Variants in COPB1 observed in about 807,000 individuals in gnomAD.
COPB1 encodes coatomer subunit beta.
Under a neutral mutation model 108.7 loss-of-function variants are expected in COPB1, and 21 were observed. That is an observed-to-expected ratio of 0.19 (90% CI 0.14 to 0.28). The LOEUF (loss-of-function observed/expected upper bound fraction) is 0.28. Ranked by LOEUF, COPB1 falls within the 10% of genes least tolerant of loss-of-function variation. The pLI, the probability that COPB1 is intolerant of heterozygous loss-of-function variation, is 1.00. For synonymous variants in COPB1, 378 were observed against 386.8 expected, an observed-to-expected ratio of 0.98 and a Z score of 0.27; for missense variants, 919 against 1,141.3, an observed-to-expected ratio of 0.81 and a Z score of 2.81.
In COPB1 at chr11:14,468,853, G is replaced by C; in HGVS notation, c.1973C>G (p.Ser658Cys). Residue 658 changes from serine (S) to cysteine (C), a missense_variant, in exon 16 of 22, where the codon TCT becomes TGT. Physicochemically the swap from Ser to Cys is moderately radical, Grantham distance 112. Around this residue, in one of 5 missense-constraint regions of COPB1, gnomAD observed 705 missense variants for 817.8 expected, o/e 0.86. Transcript: ENST00000439561. ...EEEKLSQKKE[S>C]EKRNVTVQPD... Reference sequence around the variant, plus strand: ...CTGTACTGTCACATTCCTCTTTTCAGATTCTTTCTGTGTTGAGAATATAAC... The same window carrying C: ...CTGTACTGTCACATTCCTCTTTTCACATTCTTTCTGTGTTGAGAATATAAC... The C allele has an allele frequency of 1.2e-6, 2 of 1,613,094 alleles. No individual in the cohort carries two copies.
At position 14,474,498 on chromosome 11, in the gene COPB1, T is replaced by C. The variant is rs1189360114; in HGVS notation, c.1734A>G (p.Gln578=). 14 of 1,612,520 alleles carry C rather than the reference T, an allele frequency of 8.7e-6. No individual in the cohort carries two copies. Among genetic ancestry groups the C allele is most frequent in the Non-Finnish European group, 1.2e-5 (14 of 1,179,048 alleles). ...YVALVQEKKK[Q]NSFVAEAMLL... ...AATGTAAAATAAATGAACTTACATTTTGCTTTTTCTTCTCCTGAACCAAAG... is the reference window on the plus strand; with the variant it reads ...AATGTAAAATAAATGAACTTACATTCTGCTTTTTCTTCTCCTGAACCAAAG... Residue 578 remains glutamine, a synonymous_variant, in exon 14 of 22, where the codon CAA becomes CAG. Transcript: ENST00000439561.
At position 14,458,611 on chromosome 11, in the gene COPB1, T is replaced by C; in HGVS notation, c.2723A>G (p.Asn908Ser). 1 of 1,613,944 alleles carries C rather than the reference T, an allele frequency of 6.2e-7. No homozygotes were observed. The stretch of plus-strand genomic sequence containing the variant: ...GTGAATTGGCTTCTCAATGCTGACA[T>C]TTGCAAGTGCATCTTCACCAAATAT... ...RSIFGEDALA[N>S]VSIEKPIHQG... is the part of the protein sequence containing the mutation. The change falls in exon 21 of 22, where the codon AAT becomes AGT. Residue 908 changes from asparagine to serine, a missense_variant. By Grantham distance (46) the Asn-to-Ser change is conservative (BLOSUM62 1). Transcript: ENST00000439561.
chr11:14,493,909 G>GA (rs1346700391), intron 3 of COPB1, 98 bp from the exon 4 acceptor site: 19 of 1,104,106 alleles, frequency 1.7e-5, no homozygotes, highest in Middle Eastern at 2.9e-4. Flanking sequence ...ATACGTTTGA[G>GA]AAAAAACCTA....
intron 7 of COPB1, 111 bp from the exon 8 acceptor site, chr11:14,483,262 C>A: frequency 1.8e-4 from 97 of 552,456 alleles, no homozygotes; most frequent in South Asian, 2.9e-4. Context: ...ACACACACTC[C>A]CATGAAGCCA....
At position 14,498,949 on chromosome 11, in the gene COPB1, C is replaced by G. The variant is rs184176495; in HGVS notation, c.-21G>C. On this transcript the variant is annotated 5_prime_UTR_variant, in exon 2 of 22. Coordinates refer to ENST00000439561, the MANE Select transcript of COPB1 (RefSeq NM_001144061.2). ...GTCATGGTTTCTGGTTATATTATAACCAATCCTTGACACAAGATTTAAGGA... is the reference window on the plus strand; with the variant it reads ...GTCATGGTTTCTGGTTATATTATAAGCAATCCTTGACACAAGATTTAAGGA... The G allele has an allele frequency of 2.3e-4, 361 of 1,583,046 alleles. 1 individual carries two copies. The African/African-American group carries it at 3.9e-3, about 17-fold the overall frequency.
chr11:14,487,187 C>A (rs1003028344), intron 6 of COPB1, among the ~76,000 whole-genome samples: 2 of 151,968 alleles, frequency 1.3e-5, no homozygotes, highest in African/African-American at 4.8e-5. Flanking sequence ...AGTAAATATC[C>A]CTTATTTTTT....
At chr11:14,480,045 C>A (rs1211226853) in intron 10 of COPB1, among the ~76,000 whole-genome samples, 1 of 152,106 alleles carries the variant, frequency 6.6e-6, no homozygotes, top group Non-Finnish European at 1.5e-5. Flanking sequence ...CTCAAGTAAT[C>A]CTCTTGCCTA....
At chr11:14,499,519 G>A (rs906542827) in intron 1 of COPB1, 188 bp downstream of exon 1, 1 of 151,680 alleles carries the variant, frequency 6.6e-6, no homozygotes, top group Non-Finnish European at 1.5e-5. Context: ...AAGACCCCCG[G>A]CCAATACAAA....
chr11:14,468,216 T>A (rs556486465), intron 16 of COPB1, among the ~76,000 whole-genome samples: 2 of 152,352 alleles, frequency 1.3e-5, no homozygotes, highest in South Asian at 2.1e-4. Flanking sequence ...AGATGAGGGA[T>A]CACTGATTCT....
intron 7 of COPB1, 77 bp from the exon 8 acceptor site, chr11:14,483,228 CCACACACACA>C (rs3217599): frequency 2.1e-4 from 106 of 503,486 alleles, no homozygotes; most frequent in East Asian, 3.9e-4. Context: ...CGCGCGCACA[CCACACACACA>C]CACACACACA....
intron 14 of COPB1, 80 bp from the exon 15 acceptor site, chr11:14,469,643 T>C: frequency 8.4e-7 from 1 of 1,195,652 alleles, no homozygotes; most frequent in Non-Finnish European, 1.2e-6. Context: ...TAACTCACAA[T>C]CTAAATTTTC....
intron 14 of COPB1, among the ~76,000 whole-genome samples, chr11:14,470,944 A>ACACACACACACACACACT (rs1285522756): frequency 1.3e-4 from 12 of 90,152 alleles, no homozygotes; most frequent in African/African-American, 6.3e-4. Context: ...ACACACACAC[A>ACACACACACACACACACT]CTCTCTCTCT....
chr11:14,461,207 G>A lies in COPB1; in HGVS notation c.2535C>T (p.Ala845=), dbSNP rs759277289. The change falls in exon 19 of 22, where the codon GCC becomes GCT. Residue 845 remains alanine, a synonymous_variant. Transcript: ENST00000439561. ...TAACTTTGTTTTCCCATTCAAATTC[G>A]GCCCACATCTGACGGAATTCTGCAT... ...CTDAEFRQMW[A]EFEWENKVTV... is the part of the protein sequence containing the mutation. The A allele has an allele frequency of 1.4e-5, 23 of 1,614,030 alleles. No individual in the cohort carries two copies. Among genetic ancestry groups the A allele is most frequent in the South Asian group, 8.8e-5 (8 of 91,058 alleles).
chr11:14,461,851 T>C (rs1448080459), intron 18 of COPB1, among the ~76,000 whole-genome samples: 1 of 152,192 alleles, frequency 6.6e-6, no homozygotes, highest in Non-Finnish European at 1.5e-5. Flanking sequence ...GGACCCCCTA[T>C]GGATACCAAA....
chr11:14,486,832 A>G (rs2134120766), intron 6 of COPB1, among the ~76,000 whole-genome samples: 1 of 152,330 alleles, frequency 6.6e-6, no homozygotes, highest in Non-Finnish European at 1.5e-5. Flanking sequence ...GTTTCGTAAA[A>G]GGTTTTCTGA....
At chr11:14,464,787 G>A (rs1850244666) in intron 18 of COPB1, 124 bp downstream of exon 18, 9 of 1,031,444 alleles carry the variant, frequency 8.7e-6, no homozygotes, top group South Asian at 1.6e-5. Flanking sequence ...ACCATAGAGA[G>A]TATCTCATAA....
At chr11:14,485,317 T>C (rs538287452) in intron 7 of COPB1, among the ~76,000 whole-genome samples, 178 of 151,968 alleles carry the variant, frequency 1.2e-3, no homozygotes, top group African/African-American at 4.1e-3. Context: ...CCACCACACC[T>C]AGCACCAGCT....
chr11:14,482,456 A>T (rs1392650899), intron 8 of COPB1, among the ~76,000 whole-genome samples: 1 of 152,252 alleles, frequency 6.6e-6, no homozygotes, highest in Non-Finnish European at 1.5e-5. Flanking sequence ...AATTAAAATG[A>T]GTATGTCACT....
chr11:14,470,899 T>TACACACACACAC (rs56957263), intron 14 of COPB1, among the ~76,000 whole-genome samples: 41 of 134,854 alleles, frequency 3.0e-4, no homozygotes, highest in African/African-American at 1.1e-3. Context: ...GTGGAAGAAA[T>TACACACACACAC]ACACACACAC....
Sources: gnomAD v4.1 joint callset for allele counts (sites outside exome capture counted in the v4.1 genomes callset) on GRCh38, gnomAD v4.1.1 for gene constraint, gnomAD v4.1.1 regional missense constraint, MANE v1.5 for transcripts, NCBI Gene and HGNC (gene_info 2026-07-23, HGNC 2026-07-21) for gene names.